Variants in CAPRIN2 observed in about 807,000 individuals in gnomAD.
The protein encoded by CAPRIN2 is caprin family member 2, also known as caprin-2.
Under a neutral mutation model 130.4 loss-of-function variants are expected in CAPRIN2, and 66 were observed. The observed-to-expected ratio is 0.51, with a 90% CI of 0.42 to 0.62. The LOEUF (loss-of-function observed/expected upper bound fraction) is 0.62. CAPRIN2 is among the 20% of genes least tolerant of loss of function. The pLI, the probability that CAPRIN2 is intolerant of heterozygous loss-of-function variation, is 0.00. For synonymous variants in CAPRIN2, 471 were observed against 444.1 expected (o/e 1.06, Z -0.76); for missense variants, 1,185 against 1,246.6 (o/e 0.95, Z 0.74).
intron 5 of CAPRIN2, among the ~76,000 whole-genome samples, chr12:30,732,213 G>A (rs1238153410): frequency 2.6e-5 from 4 of 151,860 alleles, no homozygotes; most frequent in Non-Finnish European, 4.4e-5. Context: ...TGATGCTGAG[G>A]TCACTACACT....
exon 8 of CAPRIN2, chr12:30,729,198 T>C (rs1199827801): frequency 6.2e-7 from 1 of 1,614,092 alleles, no homozygotes; most frequent in East Asian, 2.2e-5. Context: ...CTCTTGACCA[T>C]CTGGTTCAGT....
In CAPRIN2 at chr12:30,733,617, G is replaced by A. The variant is rs774950026; in HGVS notation, c.892+12C>T. On this transcript the variant is annotated intron_variant, in intron 5 of 16. Coordinates refer to ENST00000298892, the Ensembl canonical transcript of CAPRIN2. ...GTATTTACTGCATAAGTCCAGAGTA[G>A]AGAAAACTCACATGTCGTTCCTACC... The A allele has an allele frequency of 1.5e-5, 24 of 1,588,568 alleles. No individual in the cohort carries two copies. The highest frequency in any genetic ancestry group is 2.0e-5 in the Non-Finnish European group (23 of 1,157,040).
chr12:30,720,748 T>G, intron 12 of CAPRIN2, 63 bp downstream of exon 13: 1 of 923,802 alleles, frequency 1.1e-6, no homozygotes, highest in South Asian at 1.3e-5. Context: ...CTGTAATTCA[T>G]AAGATAAACT....
intron 1 of CAPRIN2, among the ~76,000 whole-genome samples, chr12:30,752,313 C>G (rs2074375752): frequency 6.6e-6 from 1 of 151,996 alleles, no homozygotes; most frequent in Non-Finnish European, 1.5e-5. Flanking sequence ...CAAAAGTACT[C>G]GTACTATCTG....
intron 8 of CAPRIN2, among the ~76,000 whole-genome samples, chr12:30,726,378 T>C (rs2060924705): frequency 6.6e-6 from 1 of 152,152 alleles, no homozygotes; most frequent in Admixed American, 6.5e-5. Flanking sequence ...TGAGTTACCA[T>C]ATGTCCTCTA....
intron 3 of CAPRIN2, among the ~76,000 whole-genome samples, chr12:30,737,122 A>C (rs2065194900): frequency 6.6e-6 from 1 of 151,884 alleles, no homozygotes; most frequent in Non-Finnish European, 1.5e-5. Flanking sequence ...CTCCCACCTC[A>C]GCCTCCTGAA....
chr12:30,719,358 G>C, intron 12 of CAPRIN2, 133 bp from the exon 14 acceptor site: 3 of 974,006 alleles, frequency 3.1e-6, no homozygotes, highest in Non-Finnish European at 4.6e-6. Context: ...CAAAAGAATA[G>C]CTTTTGCTTA....
At chr12:30,735,468 G>C (rs556398230) in intron 3 of CAPRIN2, among the ~76,000 whole-genome samples, 28 of 152,306 alleles carry the variant, frequency 1.8e-4, no homozygotes, top group African/African-American at 6.7e-4. Context: ...ATATCACCAT[G>C]ATGAGTAGCG....
At chr12:30,746,523 A>T (rs1350722319) in intron 2 of CAPRIN2, among the ~76,000 whole-genome samples, 1 of 152,240 alleles carries the variant, frequency 6.6e-6, no homozygotes, top group East Asian at 1.9e-4. Context: ...TAAAAAATGT[A>T]TTTCTCTGAT....
chr12:30,728,537 A>T, intron 8 of CAPRIN2, 111 bp downstream of exon 9: 9 of 844,788 alleles, frequency 1.1e-5, no homozygotes, highest in Non-Finnish European at 1.4e-5. Context: ...CCTGGGTAAC[A>T]GAGTGTTTCT....
chr12:30,733,243 TA>T (rs1180780378), intron 5 of CAPRIN2, among the ~76,000 whole-genome samples: 6 of 152,156 alleles, frequency 3.9e-5, no homozygotes, highest in Non-Finnish European at 5.9e-5. Flanking sequence ...ACCATTCATA[TA>T]TTCTTAGGCT....
At chr12:30,723,912 T>C (rs1435151893) in intron 10 of CAPRIN2, among the ~76,000 whole-genome samples, 2 of 152,186 alleles carry the variant, frequency 1.3e-5, no homozygotes, top group Admixed American at 6.5e-5. Flanking sequence ...GAGAAACAAA[T>C]GTGGAGCAAA....
intron 14 of CAPRIN2, among the ~76,000 whole-genome samples, chr12:30,714,709 T>C (rs1006480255): frequency 6.6e-6 from 1 of 152,226 alleles, no homozygotes; most frequent in Admixed American, 6.5e-5. Context: ...TGAAAATTCA[T>C]CCTTTGTAAA....
chr12:30,726,845 G>A (rs2061085733), intron 8 of CAPRIN2, among the ~76,000 whole-genome samples: 1 of 152,092 alleles, frequency 6.6e-6, no homozygotes, highest in Non-Finnish European at 1.5e-5. Flanking sequence ...TTAATTTCAT[G>A]TTATCTAGTC....
At chr12:30,733,744 G>C in intron 4 of CAPRIN2, 33 bp from the exon 6 acceptor site, 2 of 1,465,178 alleles carry the variant, frequency 1.4e-6, no homozygotes, top group Non-Finnish European at 1.9e-6. Context: ...GAACAAAGTG[G>C]CTTTAGAAGT....
At chr12:30,740,895 TA>T in intron 3 of CAPRIN2, 124 bp downstream of exon 4, 1 of 628,102 alleles carries the variant, frequency 1.6e-6, no homozygotes, top group Non-Finnish European at 2.8e-6. Context: ...TCCATCACGA[TA>T]AAATATCAGC....
chr12:30,719,120 A>AACT, intron 12 of CAPRIN2: 1 of 1,614,082 alleles, frequency 6.2e-7, no homozygotes, highest in Non-Finnish European at 8.5e-7. Flanking sequence ...ATGGTTACTG[A>AACT]ACTACTACTT....
exon 1 of CAPRIN2, chr12:30,753,977 C>T (rs1178672463): frequency 1.5e-5 from 8 of 539,848 alleles, no homozygotes; most frequent in South Asian, 8.1e-5. Flanking sequence ...AAGCTTTCCA[C>T]ACCGGGACCT....
intron 4 of CAPRIN2, among the ~76,000 whole-genome samples, chr12:30,734,126 A>G (rs2063637689): frequency 6.6e-6 from 1 of 152,220 alleles, no homozygotes; most frequent in South Asian, 2.1e-4. Flanking sequence ...ATTAAAGTGA[A>G]GCTACATTCC....
Sources: allele counts gnomAD v4.1 joint callset (sites outside exome capture counted in the v4.1 genomes callset), GRCh38; gene constraint gnomAD v4.1.1; transcripts MANE v1.5; gene names NCBI Gene and HGNC (gene_info 2026-07-23, HGNC 2026-07-21).